KCNT1: variants seen among roughly 807,000 people sequenced by gnomAD.
KCNT1 encodes the protein potassium sodium-activated channel subfamily T member 1.
In KCNT1, 78 loss-of-function variants were observed where a neutral mutation model predicts 147.8. That is an observed-to-expected ratio of 0.53 (90% confidence interval 0.44 to 0.64). KCNT1 has a LOEUF of 0.64. Among genes scored for constraint, KCNT1 ranks in the 30% least tolerant of loss-of-function variants. The probability of loss-of-function intolerance (pLI) is 0.00; values close to 1 mark genes in which losing one functional copy is unlikely to be tolerated. For synonymous variants in KCNT1, 867 were observed against 748.8 expected, an observed-to-expected ratio of 1.16 and a Z score of -2.58; for missense variants, 1,419 against 1,750.3, an observed-to-expected ratio of 0.81 and a Z score of 3.38.
intron 29 of KCNT1, chr9:135,791,418 C>T: frequency 4.1e-6 from 1 of 246,150 alleles, no homozygotes; most frequent in Non-Finnish European, 8.0e-6. Context: ...GGCATGCATG[C>T]ATGTGAGGTG....
intron 24 of KCNT1, among the ~76,000 whole-genome samples, chr9:135,782,153 G>A (rs1256599390): frequency 2.0e-5 from 3 of 152,184 alleles, no homozygotes; most frequent in African/African-American, 4.8e-5. Flanking sequence ...GCAGTGAGCC[G>A]AGATTGTGCC....
rs1831264503 is a variant in KCNT1 at position 135,752,893 on chromosome 9, AGGATGGAGGGATGAGTGGATGGATGAT to A, written c.435-1036_435-1010del. Among the ~76,000 whole-genome samples the A allele has an allele frequency of 7.0e-6, 1 of 143,686 alleles. No homozygotes were observed. Among genetic ancestry groups the A allele is most frequent in the African/African-American group, 2.6e-5 (1 of 38,088 alleles). The allele number at this position is 143,686 out of a possible 152,430, so 94.3% of individuals were successfully genotyped here. A position where few individuals can be genotyped will look rare whatever the true frequency, so the allele number is the denominator to read the frequency against. On this transcript the variant is annotated intron_variant, in intron 4 of 30. Transcript: ENST00000371757. The surrounding 1 kb of genome is among the most constrained non-coding windows in gnomAD (Gnocchi z 5.1). ...GTGGATGGATGGAGAGATGAGCAGA[AGGATGGAGGGATGAGTGGATGGATGAT>A]GGATGGATGGATGGACAGATAAGTA...
At chr9:135,767,160 C>G (rs1832345408) in intron 13 of KCNT1, among the ~76,000 whole-genome samples, 1 of 152,060 alleles carries the variant, frequency 6.6e-6, no homozygotes, top group Non-Finnish European at 1.5e-5. Context: ...TCCCCCTCCC[C>G]CTGCCATGTC....
rs958314822 is a variant in KCNT1, at chr9:135,786,309, G to A, written c.3290G>A (p.Gly1097Asp). The change falls in exon 29 of 31, where the codon GGT becomes GAT. Residue 1097 changes from glycine (G) to aspartate (D), a missense_variant. Coordinates refer to ENST00000371757, the MANE Select transcript of KCNT1 (RefSeq NM_020822.3). The part of the protein sequence containing the change: ...GSSQGRHTGG[G>D]DPAEHPLLRR... Reference sequence around the variant, plus strand: ...TCCCAGGGCCGCCACACGGGCGGCGGTGACCCCGCAGAGCACCCACTGCTA... The same window carrying A: ...TCCCAGGGCCGCCACACGGGCGGCGATGACCCCGCAGAGCACCCACTGCTA... The A allele has an allele frequency of 6.2e-7, 1 of 1,601,994 alleles. No individual in the cohort carries two copies. The highest frequency in any genetic ancestry group is 8.5e-7 in the Non-Finnish European group (1 of 1,175,754).
At chr9:135,742,671 C>G in intron 2 of KCNT1, 1 of 707,722 alleles carries the variant, frequency 1.4e-6, no homozygotes, top group Non-Finnish European at 2.6e-6. Flanking sequence ...CTCCATCTGT[C>G]TGTCTACTGC....
At position 135,777,440 on chromosome 9, in the gene KCNT1, A is replaced by G. The variant is rs1306134073; in HGVS notation, c.2452A>G (p.Ile818Val). Reference protein sequence around the residue: ...ETAGNGLYNFIVPLRAYYRSR... With the variant: ...ETAGNGLYNFVVPLRAYYRSR... Reference sequence around the variant, plus strand: ...GGCCGGCAATGGGCTGTACAACTTCATCGTGCCACTGCGGGCCTACTACAG... The same window carrying G: ...GGCCGGCAATGGGCTGTACAACTTCGTCGTGCCACTGCGGGCCTACTACAG... Residue 818 changes from isoleucine to valine, a missense_variant, in exon 21 of 31, where the codon ATC becomes GTC. By Grantham distance (29) the Ile-to-Val change is conservative (BLOSUM62 3). Around this residue, in one of 5 missense-constraint regions of KCNT1, gnomAD observed 247 missense variants for 397.1 expected, o/e 0.62. Transcript: ENST00000371757. 21 of 1,613,884 alleles carry G rather than the reference A, an allele frequency of 1.3e-5. No individual in the cohort carries two copies. The Middle Eastern group carries it at 9.9e-4, about 76-fold the overall frequency.
At chr9:135,708,253 T>TACATATGCCCATGTAC (rs1371763684) in intron 1 of KCNT1, among the ~76,000 whole-genome samples, 5 of 152,188 alleles carry the variant, frequency 3.3e-5, no homozygotes, top group African/African-American at 1.2e-4. Flanking sequence ...TGCACATGTA[T>TACATATGCCCATGTAC]ACATATGCCC....
intron 20 of KCNT1, 133 bp from the exon 21 acceptor site, chr9:135,777,205 G>GAAAGGGCTGTGGGCCGAGAGGC: frequency 1.1e-6 from 1 of 933,976 alleles, no homozygotes; most frequent in Admixed American, 2.5e-5. Flanking sequence ...TGCAGGCCGT[G>GAAAGGGCTGTGGGCCGAGAGGC]AAAGGGCTGT....
intron 2 of KCNT1, among the ~76,000 whole-genome samples, chr9:135,732,758 C>CTCTT (rs1554766312): frequency 6.7e-6 from 1 of 150,194 alleles, no homozygotes; most frequent in Non-Finnish European, 1.5e-5. Context: ...CTATCTCTCT[C>CTCTT]TCTCTCTCTC....
rs563229848 is a variant in KCNT1 at position 135,753,015 on chromosome 9, GGGAT to G, written c.435-910_435-907del. Among the ~76,000 whole-genome samples, 195 of 147,482 alleles carry G rather than the reference GGGAT, an allele frequency of 1.3e-3. 1 individual carries two copies. Among genetic ancestry groups the G allele is most frequent in the African/African-American group, 3.8e-3 (152 of 39,666 alleles). On this transcript the variant is annotated intron_variant, in intron 4 of 30. Coordinates refer to ENST00000371757, the MANE Select transcript of KCNT1 (RefSeq NM_020822.3). ...AGGGATGAGTGGATGGATGGATGGA[GGGAT>G]GGATGGATGGACAGATGAGTAGATA...
rs75999688 is a variant in KCNT1, at chr9:135,779,720, C to T, written c.2841+250C>T. Among the ~76,000 whole-genome samples the T allele has an allele frequency of 4.1e-3, 619 of 152,384 alleles. 3 individuals carry two copies. Among genetic ancestry groups the T allele is most frequent in the African/African-American group, 0.014 (590 of 41,596 alleles). Reference sequence around the variant, plus strand: ...TGGGAATGTGGCCCATAGCAGCCTTCCATCTCCCTGAGCAGGGACCAGGCC... The same window carrying T: ...TGGGAATGTGGCCCATAGCAGCCTTTCATCTCCCTGAGCAGGGACCAGGCC... On this transcript the variant is annotated intron_variant, in intron 24 of 30. Transcript: ENST00000371757.
rs144734462 is a variant in KCNT1, at chr9:135,749,854, G to A, written c.255-244G>A. On this transcript the variant is annotated intron_variant, in intron 2 of 30. Transcript: ENST00000371757. Reference sequence around the variant, plus strand: ...CTGGAGGGCCCAGACTCACAGCAGCGAGTGCCCAGGGCTGCGGGGAGGAAT... The same window carrying A: ...CTGGAGGGCCCAGACTCACAGCAGCAAGTGCCCAGGGCTGCGGGGAGGAAT... Among the ~76,000 whole-genome samples, 17 of 152,314 alleles carry A rather than the reference G, an allele frequency of 1.1e-4. No homozygotes were observed. In the East Asian group the frequency reaches 2.5e-3, roughly 23 times the overall value.
At chr9:135,761,226 G>A (rs1343062851) in intron 11 of KCNT1, among the ~76,000 whole-genome samples, 1 of 152,166 alleles carries the variant, frequency 6.6e-6, no homozygotes, top group Admixed American at 6.5e-5. Flanking sequence ...TCCCTCCCTC[G>A]ATCATAAACC....
chr9:135,721,000 C>G (rs1835901614), intron 2 of KCNT1, among the ~76,000 whole-genome samples: 1 of 152,216 alleles, frequency 6.6e-6, no homozygotes. Context: ...ACGAGGGACA[C>G]ACGGCCGAGC....
chr9:135,747,543 C>T (rs1260370797), intron 2 of KCNT1, among the ~76,000 whole-genome samples: 7 of 152,094 alleles, frequency 4.6e-5, no homozygotes, highest in Admixed American at 2.6e-4. Flanking sequence ...CCTGTCTGAG[C>T]GAAAGACATC....
At position 135,705,461 on chromosome 9, in the gene KCNT1, C is replaced by T. The variant is rs181792009; in HGVS notation, c.110+3093C>T. Among the ~76,000 whole-genome samples, 374 of 152,302 alleles carry T rather than the reference C, an allele frequency of 2.5e-3. 6 individuals are homozygous for T. The highest frequency in any genetic ancestry group is 0.017 in the Middle Eastern group (5 of 294). ...CGCTCCGTGAGCCAGGCAGGCGCAC[C>T]GTGGGCACGTGTGTGAGAGCTGGAG... On this transcript the variant is annotated intron_variant, in intron 1 of 30. Transcript: ENST00000371757.
intron 2 of KCNT1, among the ~76,000 whole-genome samples, chr9:135,734,715 G>A (rs530251213): frequency 4.6e-5 from 7 of 152,286 alleles, no homozygotes; most frequent in African/African-American, 1.2e-4. Flanking sequence ...GGGTGGGCGC[G>A]CGCGTTTGCC....
chr9:135,780,281 G>C (rs913620539), intron 24 of KCNT1, among the ~76,000 whole-genome samples: 1 of 152,200 alleles, frequency 6.6e-6, no homozygotes, highest in Non-Finnish European at 1.5e-5. Context: ...CACGAACCCC[G>C]AGCTCACCGG....
chr9:135,779,464 A>G lies in KCNT1; in HGVS notation c.2835A>G (p.Leu945=), dbSNP rs1401533323. Residue 945 remains leucine (L), a synonymous_variant, in exon 24 of 31, where the codon CTA becomes CTG. Coordinates refer to ENST00000371757, the MANE Select transcript of KCNT1 (RefSeq NM_020822.3). ...GCTACTCTCTGGCTCTTTCCAAACT[A>G]GAAAAGGTGAGCAGCCCTGCCCCGT... ...KDSYSLALSK[L]EKRERENGSN... is the part of the protein sequence containing the mutation. 1 of 1,608,140 alleles carries G rather than the reference A, an allele frequency of 6.2e-7. No homozygotes were observed.
Sources: allele counts gnomAD v4.1 joint callset (sites outside exome capture counted in the v4.1 genomes callset), GRCh38; gene constraint gnomAD v4.1.1; regional missense constraint gnomAD v4.1.1; non-coding constraint Gnocchi (gnomAD v3.1); transcripts MANE v1.5; gene names NCBI Gene and HGNC (gene_info 2026-07-23, HGNC 2026-07-21).